Variants in ITSN1 observed in about 807,000 individuals in gnomAD.
The protein encoded by ITSN1 is intersectin 1.
A neutral mutation model predicts 239.8 loss-of-function variants in ITSN1; 58 were observed. That is an observed-to-expected ratio of 0.24 (90% CI 0.20 to 0.30). The LOEUF is 0.30. Ranked by LOEUF, ITSN1 falls within the 10% of genes least tolerant of loss-of-function variation. The pLI, the probability that ITSN1 is intolerant of heterozygous loss-of-function variation, is 1.00. For missense variants in ITSN1, 1,558 were observed against 2,103.3 expected (o/e 0.74, Z 5.07); for synonymous variants, 780 against 770.8 (o/e 1.01, Z -0.20).
intron 1 of ITSN1, among the ~76,000 whole-genome samples, chr21:33,694,687 G>C (rs1321048430): frequency 6.6e-6 from 1 of 152,146 alleles, no homozygotes; most frequent in Non-Finnish European, 1.5e-5. Flanking sequence ...CAGGCGTGGT[G>C]GTGGGTGCCT....
Position 33,833,098 on chromosome 21 carries a change from G to A in ITSN1, c.3352-1209G>A, listed in dbSNP as rs538920542. Among the ~76,000 whole-genome samples the A allele has an allele frequency of 1.2e-4, 18 of 151,976 alleles. No homozygotes were observed. The South Asian group carries it at 3.8e-3, about 32-fold the overall frequency. On this transcript the variant is annotated intron_variant, in intron 27 of 39. Coordinates refer to ENST00000381318, the MANE Select transcript of ITSN1 (RefSeq NM_003024.3). ...GTGTACAGAAGGGTAGTCAAAGCCC[G>A]ACTCATGATCCCTAACTCGAGTCTT...
intron 8 of ITSN1, among the ~76,000 whole-genome samples, chr21:33,759,198 A>G (rs1179462644): frequency 1.3e-5 from 2 of 152,234 alleles, no homozygotes; most frequent in East Asian, 3.8e-4. Context: ...ATCAGTGGAT[A>G]TGGCTGTTTT....
chr21:33,667,477 G>T (rs1433485534), intron 1 of ITSN1, among the ~76,000 whole-genome samples: 1 of 152,146 alleles, frequency 6.6e-6, no homozygotes, highest in Non-Finnish European at 1.5e-5. Context: ...TCTTTTGGCT[G>T]CTTAGCTTTT....
At position 33,819,311 on chromosome 21, in the gene ITSN1, G is replaced by A. The variant is rs774720789; in HGVS notation, c.3004G>A (p.Val1002Ile). ...AGCCTCTCCAGCAGCCAAGCCGGTC[G>A]TTTCGGGAGAAGGTGAGGGCCTGAG... ...RVASPAAKPVVSGEEFIAMYT... is the reference protein window; with the variant it reads ...RVASPAAKPVISGEEFIAMYT... The change falls in exon 24 of 40, where the codon GTT becomes ATT. Residue 1002 changes from valine to isoleucine, a missense_variant. Around this residue, in one of 2 missense-constraint regions of ITSN1, gnomAD observed 982 missense variants for 1,209.9 expected, o/e 0.81. Transcript: ENST00000381318. The A allele has an allele frequency of 2.6e-5, 42 of 1,613,754 alleles. No homozygotes were observed. The highest frequency in any genetic ancestry group is 6.7e-5 in the Admixed American group (4 of 59,996).
intron 4 of ITSN1, among the ~76,000 whole-genome samples, chr21:33,725,133 G>GTTTTTTT (rs1171718411): frequency 5.5e-5 from 5 of 91,178 alleles, no homozygotes; most frequent in Admixed American, 1.5e-4. Context: ...TTTTTTTTTT[G>GTTTTTTT]TTTTTTTTTT....
intron 1 of ITSN1, among the ~76,000 whole-genome samples, chr21:33,665,808 G>A (rs372016946): frequency 5.6e-4 from 85 of 152,074 alleles, no homozygotes; most frequent in African/African-American, 1.4e-3. Context: ...AAAAAGAAAC[G>A]AATGATATAT....
At chr21:33,654,583 A>G (rs889845756) in intron 1 of ITSN1, among the ~76,000 whole-genome samples, 13 of 152,100 alleles carry the variant, frequency 8.5e-5, no homozygotes, top group African/African-American at 2.7e-4. Flanking sequence ...CCTTCTCTAC[A>G]CAAAAGACAT....
intron 1 of ITSN1, among the ~76,000 whole-genome samples, chr21:33,700,700 C>T (rs907199368): frequency 1.3e-5 from 2 of 152,122 alleles, no homozygotes; most frequent in African/African-American, 4.8e-5. Context: ...ACAGCCTGGG[C>T]CTCCACTCTC....
intron 34 of ITSN1, among the ~76,000 whole-genome samples, chr21:33,880,188 G>A (rs1049206605): frequency 6.6e-6 from 1 of 152,214 alleles, no homozygotes; most frequent in African/African-American, 2.4e-5. Context: ...ACACACACCA[G>A]TGATTAAGTT....
chr21:33,711,966 T>G (rs1448058468), intron 1 of ITSN1, among the ~76,000 whole-genome samples: 2 of 152,232 alleles, frequency 1.3e-5, no homozygotes, highest in African/African-American at 4.8e-5. Context: ...TGTTTGCCAT[T>G]TCTTTTGCTC....
chr21:33,672,680 T>C (rs1336833016), intron 1 of ITSN1, among the ~76,000 whole-genome samples: 2 of 151,996 alleles, frequency 1.3e-5, no homozygotes, highest in Non-Finnish European at 2.9e-5. Context: ...ATGTTCCTTG[T>C]GGCATTATTC....
intron 1 of ITSN1, among the ~76,000 whole-genome samples, chr21:33,703,083 CTGTGTGTGTGTGTG>C (rs10529613): frequency 6.2e-5 from 9 of 145,542 alleles, no homozygotes; most frequent in African/African-American, 2.0e-4. Flanking sequence ...GAGACTCTGT[CTGTGTGTGTGTGTG>C]TGTGTGTGTG....
At position 33,799,868 on chromosome 21, in the gene ITSN1, T is replaced by C; in HGVS notation, c.2243T>C (p.Leu748Pro). ...ENVKVVYYRA[L>P]YPFESRSHDE... is the part of the protein sequence containing the mutation. ...GTAAAAGTGGTGTATTACCGGGCAC[T>C]GTACCCCTTTGAATCCAGAAGCCAT... Residue 748 changes from leucine to proline, a missense_variant, in exon 19 of 40, where the codon CTG (leucine) becomes CCG (proline). Coordinates refer to ENST00000381318, the MANE Select transcript of ITSN1 (RefSeq NM_003024.3). 2.5e-6 allele frequency: 4 copies of C among 1,614,036 alleles called. No homozygotes were observed. Among genetic ancestry groups the C allele is most frequent in the Non-Finnish European group, 3.4e-6 (4 of 1,179,914 alleles).
chr21:33,819,108 C>A, intron 23 of ITSN1, 133 bp from the exon 24 acceptor site: 1 of 635,184 alleles, frequency 1.6e-6, no homozygotes, highest in Non-Finnish European at 2.8e-6. Context: ...TTTAACCTAG[C>A]TAAGTACAAC....
At chr21:33,821,497 T>C (rs1023931287) in intron 24 of ITSN1, among the ~76,000 whole-genome samples, 1 of 152,202 alleles carries the variant, frequency 6.6e-6, no homozygotes, top group Non-Finnish European at 1.5e-5. Context: ...TTTTAAAATA[T>C]TTAAAATATT....
intron 22 of ITSN1, chr21:33,817,960 A>G (rs1166345922): frequency 5.1e-6 from 2 of 392,710 alleles, no homozygotes; most frequent in African/African-American, 4.0e-5. Flanking sequence ...GAACCAAAAT[A>G]TAAAGGGCAC....
chr21:33,766,934 G>A (rs747807054), intron 10 of ITSN1, among the ~76,000 whole-genome samples: 7 of 152,214 alleles, frequency 4.6e-5, no homozygotes, highest in African/African-American at 1.4e-4. Flanking sequence ...TTGGGAGGCC[G>A]AGGCGGGTGG....
rs185389697 is a variant in ITSN1 at position 33,865,329 on chromosome 21, G to T, written c.4069G>T (p.Val1357Phe). 6.4e-7 allele frequency: 1 copy of T among 1,559,136 alleles called. No homozygotes were observed. The highest frequency in any genetic ancestry group is 1.9e-5 in the Admixed American group (1 of 51,446). The change falls in exon 32 of 40, where the codon GTC becomes TTC. Residue 1357 changes from valine (V) to phenylalanine (F), a missense_variant. This residue lies in a region of ITSN1 where 576 missense variants were observed against 893.3 expected (regional missense o/e 0.64). Coordinates refer to ENST00000381318, the MANE Select transcript of ITSN1 (RefSeq NM_003024.3). This position sits in a 1 kb window ranked among gnomAD's most constrained non-coding sequence, Gnocchi z 4.4. ...TDEAPDFKEFVKRLAMDPRCK... is the reference protein window; with the variant it reads ...TDEAPDFKEFFKRLAMDPRCK... The stretch of plus-strand genomic sequence containing the variant: ...TGAGGCCCCAGACTTCAAGGAGTTC[G>T]TCAAAGTAAGGAGCCAGGCTGTGCA...
At chr21:33,827,401 AAAAATAAAAT>A (rs576676036) in intron 26 of ITSN1, among the ~76,000 whole-genome samples, 3 of 152,098 alleles carry the variant, frequency 2.0e-5, no homozygotes, top group Admixed American at 6.6e-5. Context: ...CTCTATCTCA[AAAAATAAAAT>A]AAAATAAAAT....
Sources: allele counts gnomAD v4.1 joint callset (sites outside exome capture counted in the v4.1 genomes callset), GRCh38; gene constraint gnomAD v4.1.1; regional missense constraint gnomAD v4.1.1; non-coding constraint Gnocchi (gnomAD v3.1); transcripts MANE v1.5; gene names NCBI Gene and HGNC (gene_info 2026-07-23, HGNC 2026-07-21).